Variants in ANKRD36 observed in about 807,000 individuals in gnomAD.
ANKRD36 encodes the protein ankyrin repeat domain-containing protein 36A.
ANKRD36 carries 179 observed loss-of-function variants against 278.1 expected under a neutral mutation model. The observed-to-expected ratio is 0.64, with a 90% CI of 0.57 to 0.73. ANKRD36 has a LOEUF of 0.73. ANKRD36 is among the 30% of genes least tolerant of loss of function. The pLI is 0.00. For missense variants in ANKRD36, 1,159 were observed against 1,956.7 expected, an observed-to-expected ratio of 0.59 and a Z score of 7.69; for synonymous variants, 320 against 641.1, an observed-to-expected ratio of 0.50 and a Z score of 7.57.
intron 8 of ANKRD36, 77 bp downstream of exon 8, chr2:97,142,912 G>A (rs1264194334): frequency 2.1e-6 from 3 of 1,453,384 alleles, no homozygotes; most frequent in South Asian, 1.4e-5. Flanking sequence ...AAATCGCAGG[G>A]AGCTCATTGA....
intron 52 of ANKRD36, among the ~76,000 whole-genome samples, chr2:97,207,372 G>A (rs1184877504): frequency 1.3e-5 from 2 of 151,344 alleles, no homozygotes; most frequent in Non-Finnish European, 3.0e-5. Flanking sequence ...TCAGTTATTG[G>A]GCAAGTTAAA....
At chr2:97,191,991 T>C (rs1358900215) in intron 36 of ANKRD36, among the ~76,000 whole-genome samples, 2 of 151,710 alleles carry the variant, frequency 1.3e-5, no homozygotes, top group African/African-American at 4.8e-5. Context: ...GAGAATAACA[T>C]GATACTCCCA....
In ANKRD36 at chr2:97,118,418, C is replaced by G; in HGVS notation, c.387C>G (p.Phe129Leu). Reference sequence around the variant, plus strand: ...GCGCCAATCCAAATATTACGGATTTCTTTGGAAGGACTGCTCTGCACTACG... The same window carrying G: ...GCGCCAATCCAAATATTACGGATTTGTTTGGAAGGACTGCTCTGCACTACG... ...QNGANPNITD[F>L]FGRTALHYAV... is the part of the protein sequence containing the mutation. Residue 129 changes from phenylalanine to leucine, a missense_variant, in exon 3 of 76, where the codon TTC becomes TTG. Coordinates refer to ENST00000420699, the MANE Select transcript of ANKRD36 (RefSeq NM_001354587.1). The G allele has an allele frequency of 1.2e-6, 2 of 1,607,310 alleles. No individual in the cohort carries two copies. Among genetic ancestry groups the G allele is most frequent in the Non-Finnish European group, 1.7e-6 (2 of 1,177,654 alleles).
At chr2:97,150,906 G>C (rs1225920551) in intron 12 of ANKRD36, among the ~76,000 whole-genome samples, 3 of 147,628 alleles carry the variant, frequency 2.0e-5, no homozygotes, top group African/African-American at 2.5e-5. Context: ...CTCTCTCTCT[G>C]TAGTAAGAAT....
intron 67 of ANKRD36, among the ~76,000 whole-genome samples, chr2:97,225,372 G>A (rs188488613): frequency 2.8e-4 from 42 of 152,218 alleles, no homozygotes; most frequent in Middle Eastern, 3.4e-3. Flanking sequence ...GAGAGAATGC[G>A]TTATAAAATC....
Position 97,183,316 on chromosome 2 carries a change from G to A in ANKRD36, c.1838-143G>A, listed in dbSNP as rs558575654. 5.1e-5 allele frequency: 58 copies of A among 1,131,596 alleles called. No individual in the cohort carries two copies. The South Asian group carries it at 5.7e-4, about 11-fold the overall frequency. 70.1% of individuals were successfully genotyped at this position (1,131,596 alleles called of 1,614,324 possible). On this transcript the variant is annotated intron_variant, in intron 26 of 75. Coordinates refer to ENST00000420699, the MANE Select transcript of ANKRD36 (RefSeq NM_001354587.1). ...CTTCAGTGTATTTCCTCATGTTCCCGTCCCAAAGACACAAACTGTAAAACA... is the reference window on the plus strand; with the variant it reads ...CTTCAGTGTATTTCCTCATGTTCCCATCCCAAAGACACAAACTGTAAAACA...
At chr2:97,202,031 T>G (rs2061515235) in intron 46 of ANKRD36, among the ~76,000 whole-genome samples, 171 bp from the exon 47 acceptor site, 1 of 151,898 alleles carries the variant, frequency 6.6e-6, no homozygotes, top group African/African-American at 2.4e-5. Context: ...CTGTATTCGC[T>G]TTTCTCAGTG....
intron 3 of ANKRD36, among the ~76,000 whole-genome samples, chr2:97,121,313 A>T (rs2036758274): frequency 6.6e-6 from 1 of 152,090 alleles, no homozygotes; most frequent in Admixed American, 6.6e-5. Context: ...TGCAGACAAC[A>T]TTATATTTTT....
At chr2:97,195,862 T>G (rs1462463655) in intron 40 of ANKRD36, among the ~76,000 whole-genome samples, 1 of 152,092 alleles carries the variant, frequency 6.6e-6, no homozygotes, top group Middle Eastern at 3.4e-3. Flanking sequence ...GTGGCAGTTT[T>G]ACTTTGTAGA....
chr2:97,177,753 G>A (rs1465667848), intron 22 of ANKRD36, among the ~76,000 whole-genome samples: 1 of 151,850 alleles, frequency 6.6e-6, no homozygotes, highest in Non-Finnish European at 1.5e-5. Context: ...TTACCATTCA[G>A]GACATAGGCA....
chr2:97,176,319 G>T lies in ANKRD36; in HGVS notation c.1634-3419G>T, dbSNP rs898982494. The stretch of plus-strand genomic sequence containing the variant: ...GAATCTGGGTGCTCCTGTATTGGGT[G>T]CATATATATTTAGGATAGTTAGCTC... On this transcript the variant is annotated intron_variant, in intron 22 of 75. Coordinates refer to ENST00000420699, the MANE Select transcript of ANKRD36 (RefSeq NM_001354587.1). Among the ~76,000 whole-genome samples, 43 of 148,642 alleles carry T rather than the reference G, an allele frequency of 2.9e-4. 1 individual carries two copies. The highest frequency in any genetic ancestry group is 9.1e-5 in the Non-Finnish European group (6 of 66,086).
intron 14 of ANKRD36, among the ~76,000 whole-genome samples, chr2:97,152,769 C>T (rs1028127656): frequency 4.1e-5 from 6 of 147,092 alleles, no homozygotes; most frequent in African/African-American, 1.5e-4. Context: ...AACAGGTAGC[C>T]AACCCAACAT....
intron 26 of ANKRD36, 133 bp downstream of exon 26, chr2:97,181,926 C>G: frequency 8.0e-7 from 1 of 1,243,824 alleles, no homozygotes; most frequent in Non-Finnish European, 1.1e-6. Flanking sequence ...CTTCAGTTCT[C>G]AGGTGACACT....
intron 6 of ANKRD36, among the ~76,000 whole-genome samples, chr2:97,133,592 C>T (rs994977785): frequency 2.6e-5 from 4 of 151,396 alleles, no homozygotes; most frequent in African/African-American, 9.7e-5. Context: ...TATTTTCTTG[C>T]CTGTAAATAC....
intron 5 of ANKRD36, among the ~76,000 whole-genome samples, chr2:97,126,045 G>A (rs2038547209): frequency 7.1e-6 from 1 of 140,934 alleles, no homozygotes; most frequent in East Asian, 2.0e-4. Context: ...CAAAATGGGT[G>A]GCCCCTTATA....
chr2:97,153,782 G>A (rs1396169072), intron 14 of ANKRD36, among the ~76,000 whole-genome samples: 1 of 147,844 alleles, frequency 6.8e-6, no homozygotes, highest in Non-Finnish European at 1.5e-5. Flanking sequence ...TGAAGATGTA[G>A]ATTGGAGATT....
chr2:97,179,001 A>G (rs201163000), intron 22 of ANKRD36, among the ~76,000 whole-genome samples: 2 of 151,594 alleles, frequency 1.3e-5, no homozygotes, highest in Non-Finnish European at 3.0e-5. Context: ...ATGCTTGTAG[A>G]AACTTTATTT....
chr2:97,210,045 T>A (rs1261374786), intron 56 of ANKRD36, among the ~76,000 whole-genome samples, 173 bp downstream of exon 56: 1 of 151,836 alleles, frequency 6.6e-6, no homozygotes, highest in African/African-American at 2.4e-5. Context: ...GCCTGGAACA[T>A]GATCTTCGCT....
At chr2:97,235,071 T>C (rs1219308140) in intron 68 of ANKRD36, among the ~76,000 whole-genome samples, 1 of 150,334 alleles carries the variant, frequency 6.7e-6, no homozygotes, top group Non-Finnish European at 1.5e-5. Flanking sequence ...GTGTCATATG[T>C]AAAAATGTTT....
Sources: gnomAD v4.1 joint callset for allele counts (sites outside exome capture counted in the v4.1 genomes callset) on GRCh38, gnomAD v4.1.1 for gene constraint, MANE v1.5 for transcripts, NCBI Gene and HGNC (gene_info 2026-07-23, HGNC 2026-07-21) for gene names.